The following FHIT variants were observed in gnomAD, a reference collection of about 807,000 sequenced individuals.
The protein encoded by FHIT is fragile histidine triad diadenosine triphosphatase.
Under a neutral mutation model 17.9 loss-of-function variants are expected in FHIT, and 19 were observed. The ratio of observed to expected loss-of-function variants is 1.06; its 90% CI spans 0.74 to 1.56. FHIT has a LOEUF of 1.56. FHIT is among the 40% of genes most tolerant of loss of function. The pLI, the probability that FHIT is intolerant of heterozygous loss-of-function variation, is 0.00. For synonymous variants in FHIT, 81 were observed against 69.7 expected, an observed-to-expected ratio of 1.16 and a Z score of -0.81; for missense variants, 248 against 189.2, an observed-to-expected ratio of 1.31 and a Z score of -1.82.
At chr3:59,751,325 C>T (rs1269408598) in intron 9 of FHIT, 2 of 180,662 alleles carry the variant, frequency 1.1e-5, no homozygotes, top group Non-Finnish European at 1.2e-5. Context: ...ACTGCAACCT[C>T]TGCCTCCCAG....
chr3:60,937,502 G>A (rs1868224), intron 3 of FHIT, among the ~76,000 whole-genome samples: 139,619 of 151,116 alleles, frequency 0.92, 65,506 homozygotes, highest in East Asian at 1. Flanking sequence ...TGAGCTCACA[G>A]AATGTCTGCC....
At chr3:59,826,715 A>G (rs1003740226) in intron 8 of FHIT, among the ~76,000 whole-genome samples, 1 of 152,254 alleles carries the variant, frequency 6.6e-6, no homozygotes, top group African/African-American at 2.4e-5. Flanking sequence ...GATGTGTGGC[A>G]TGCCTGGCCC....
At chr3:59,922,041 A>G (rs1057131269) in intron 8 of FHIT, among the ~76,000 whole-genome samples, 4 of 152,188 alleles carry the variant, frequency 2.6e-5, no homozygotes, top group Admixed American at 6.5e-5. Flanking sequence ...GTTTTCTTCT[A>G]TGGAGATTCT....
At chr3:59,971,558 T>C (rs1037546717) in intron 7 of FHIT, among the ~76,000 whole-genome samples, 1 of 152,150 alleles carries the variant, frequency 6.6e-6, no homozygotes, top group Non-Finnish European at 1.5e-5. Context: ...CCCCTTTCTG[T>C]AGGATTCCCT....
intron 4 of FHIT, among the ~76,000 whole-genome samples, chr3:60,745,572 G>A (rs950235982): frequency 6.6e-6 from 1 of 152,070 alleles, no homozygotes; most frequent in Non-Finnish European, 1.5e-5. Context: ...TGGCATTTTG[G>A]GGGGACACAG....
At chr3:59,936,665 T>G (rs1170815492) in intron 7 of FHIT, among the ~76,000 whole-genome samples, 1 of 152,142 alleles carries the variant, frequency 6.6e-6, no homozygotes, top group East Asian at 1.9e-4. Context: ...ATGCAAAAAT[T>G]TGTGAAATAT....
chr3:59,848,677 T>G (rs1559659295), intron 8 of FHIT, among the ~76,000 whole-genome samples: 2 of 152,188 alleles, frequency 1.3e-5, no homozygotes, highest in Non-Finnish European at 2.9e-5. Flanking sequence ...TATTCTAAGT[T>G]TTCCAGCCTT....
intron 5 of FHIT, among the ~76,000 whole-genome samples, chr3:60,098,117 G>T (rs1704039796): frequency 6.9e-6 from 1 of 145,514 alleles, no homozygotes; most frequent in Admixed American, 7.1e-5. Context: ...GTCTATCCTT[G>T]TTGGACATTT....
At chr3:60,785,437 G>A (rs1331563514) in intron 4 of FHIT, among the ~76,000 whole-genome samples, 12 of 152,270 alleles carry the variant, frequency 7.9e-5, no homozygotes, top group African/African-American at 2.6e-4. Context: ...AAACTCCCAC[G>A]AAGAGAAGTG....
chr3:61,178,148 T>G (rs4688310), intron 2 of FHIT, among the ~76,000 whole-genome samples: 70,719 of 151,890 alleles, frequency 0.47, 17,341 homozygotes, highest in East Asian at 0.87. Flanking sequence ...AATTATAAAA[T>G]GGAATGATAA....
At chr3:61,250,922 A>AC (rs974966530) in intron 1 of FHIT, among the ~76,000 whole-genome samples, 1 of 152,144 alleles carries the variant, frequency 6.6e-6, no homozygotes, top group Non-Finnish European at 1.5e-5. Flanking sequence ...TTTAACACAG[A>AC]CCTGTTGGGA....
intron 3 of FHIT, among the ~76,000 whole-genome samples, chr3:60,847,951 A>G (rs1362869827): frequency 6.6e-6 from 1 of 152,136 alleles, no homozygotes; most frequent in African/African-American, 2.4e-5. Flanking sequence ...TTACTCCTGA[A>G]TTTATGGTGC....
intron 4 of FHIT, among the ~76,000 whole-genome samples, chr3:60,561,200 A>G (rs956289791): frequency 2.0e-5 from 3 of 152,066 alleles, no homozygotes; most frequent in African/African-American, 7.2e-5. Context: ...GAAATTACAC[A>G]TCAAATTACC....
intron 7 of FHIT, among the ~76,000 whole-genome samples, chr3:59,989,753 T>G (rs1318547500): frequency 2.6e-5 from 4 of 151,978 alleles, no homozygotes; most frequent in African/African-American, 9.7e-5. Flanking sequence ...TGACCTCCCT[T>G]CCCCTGTAAA....
At chr3:60,104,312 G>GT (rs1474995980) in intron 5 of FHIT, among the ~76,000 whole-genome samples, 1 of 152,040 alleles carries the variant, frequency 6.6e-6, no homozygotes, top group Non-Finnish European at 1.5e-5. Flanking sequence ...AACCTGCTTG[G>GT]TATAAAGAAT....
chr3:61,081,891 A>G (rs1025123939), intron 2 of FHIT, among the ~76,000 whole-genome samples: 1 of 152,120 alleles, frequency 6.6e-6, no homozygotes, highest in Non-Finnish European at 1.5e-5. Context: ...AGGGCACACA[A>G]TTCGACCTAC....
intron 5 of FHIT, among the ~76,000 whole-genome samples, chr3:60,467,154 T>C (rs1446820465): frequency 6.6e-6 from 1 of 152,038 alleles, no homozygotes; most frequent in Admixed American, 6.5e-5. Context: ...TATTGGTATA[T>C]AGTAGCTCAC....
intron 5 of FHIT, among the ~76,000 whole-genome samples, chr3:60,377,770 C>G (rs996001185): frequency 4.0e-5 from 6 of 151,632 alleles, no homozygotes; most frequent in African/African-American, 1.5e-4. Flanking sequence ...CGTGAGCCAC[C>G]GCGCCCGGCC....
chr3:60,299,965 C>G (rs114435299), intron 5 of FHIT, among the ~76,000 whole-genome samples: 1 of 152,058 alleles, frequency 6.6e-6, no homozygotes, highest in Non-Finnish European at 1.5e-5. Context: ...CTACAGTGAG[C>G]AGGCTTTCGC....
Sources: gnomAD v4.1 joint callset for allele counts (sites outside exome capture counted in the v4.1 genomes callset) on GRCh38, gnomAD v4.1.1 for gene constraint, MANE v1.5 for transcripts, NCBI Gene and HGNC (gene_info 2026-07-23, HGNC 2026-07-21) for gene names.